Variants in MMP16 observed in about 807,000 individuals in gnomAD.
MMP16 encodes the protein matrix metalloproteinase-16.
In MMP16, 12 loss-of-function variants were observed where a neutral mutation model predicts 67.8. The observed-to-expected ratio is 0.18, with a 90% CI of 0.11 to 0.29. MMP16 has a LOEUF of 0.29. MMP16 is among the 10% of genes least tolerant of loss of function. The probability of loss-of-function intolerance (pLI) is 1.00; values close to 1 mark genes in which losing one functional copy is unlikely to be tolerated. For missense variants in MMP16, 475 were observed against 765.7 expected (o/e 0.62, Z 4.48); for synonymous variants, 249 against 255.9 (o/e 0.97, Z 0.26).
chr8:88,247,866 C>T (rs576866237), intron 1 of MMP16, among the ~76,000 whole-genome samples: 3 of 151,890 alleles, frequency 2.0e-5, no homozygotes, highest in Admixed American at 6.6e-5. Flanking sequence ...ACATTTCCTC[C>T]CCCTACTCTC....
intron 4 of MMP16, among the ~76,000 whole-genome samples, chr8:88,136,975 T>G (rs760773920): frequency 6.6e-6 from 1 of 151,900 alleles, no homozygotes; most frequent in East Asian, 1.9e-4. Context: ...ATGTGTTATA[T>G]ACATATTTTT....
chr8:88,284,977 T>C (rs1810804281), intron 1 of MMP16, among the ~76,000 whole-genome samples: 1 of 152,134 alleles, frequency 6.6e-6, no homozygotes, highest in Non-Finnish European at 1.5e-5. Context: ...TGCTAGTCCT[T>C]ATTATGGGCC....
At chr8:88,131,209 G>C (rs1479969824) in intron 4 of MMP16, among the ~76,000 whole-genome samples, 1 of 150,888 alleles carries the variant, frequency 6.6e-6, no homozygotes, top group African/African-American at 2.4e-5. Context: ...TTTGTATCCA[G>C]GTCTGTTTGA....
chr8:88,041,346 C>T lies in MMP16; in HGVS notation c.*115G>A, dbSNP rs537336025. The T allele has an allele frequency of 8.3e-5, 90 of 1,087,414 alleles. No homozygotes were observed. The African/African-American group carries it at 1.2e-3, about 15-fold the overall frequency. 67.4% of individuals were successfully genotyped at this position (1,087,414 alleles called of 1,614,324 possible). On this transcript the variant is annotated 3_prime_UTR_variant, in exon 10 of 10. Transcript: ENST00000286614. This position sits in a 1 kb window ranked among gnomAD's most constrained non-coding sequence, Gnocchi z 6.0. ...CCCTCTGGGTTTGAAAGGTCAGCCC[C>T]GAATCAGGCTGCCACAAGCCTGCTC...
rs200997302 is a variant in MMP16, at chr8:88,158,279, C to G, written c.709+9390G>C. On this transcript the variant is annotated intron_variant, in intron 4 of 9. Transcript: ENST00000286614. ...TCCACAATGGTTGAACTAGTTTACA[C>G]TCCCACCAACAGTGTAAAAGTGTTC... Among the ~76,000 whole-genome samples, 211 of 152,180 alleles carry G rather than the reference C, an allele frequency of 1.4e-3. 1 individual carries two copies. Among genetic ancestry groups the G allele is most frequent in the South Asian group, 7.5e-3 (36 of 4,812 alleles).
intron 3 of MMP16, among the ~76,000 whole-genome samples, chr8:88,175,965 C>T (rs918547397): frequency 6.6e-6 from 1 of 152,172 alleles, no homozygotes; most frequent in Non-Finnish European, 1.5e-5. Flanking sequence ...GATTGTGAGG[C>T]CTCCCTAGCC....
chr8:88,058,962 A>G lies in MMP16; in HGVS notation c.1223-2684T>C, dbSNP rs1294444589. On this transcript the variant is annotated intron_variant, in intron 7 of 9. Coordinates refer to ENST00000286614, the MANE Select transcript of MMP16 (RefSeq NM_005941.5). This position sits in a 1 kb window ranked among gnomAD's most constrained non-coding sequence, Gnocchi z 4.2. ...CATTGCCAAGGGAAATAAAATAAAG[A>G]TAATATTAAGAATGATCTTCAAGTT... 6.6e-6 allele frequency among the ~76,000 whole-genome samples: 1 copy of G among 152,104 alleles called. No homozygotes were observed. The highest frequency in any genetic ancestry group is 1.5e-5 in the Non-Finnish European group (1 of 67,998).
At chr8:88,097,565 G>T (rs112256170) in intron 6 of MMP16, among the ~76,000 whole-genome samples, 11,814 of 144,004 alleles carry the variant, frequency 0.082, 501 homozygotes, top group Middle Eastern at 0.11. Context: ...CGTGGAGATT[G>T]CAGTGAGCCA....
chr8:88,265,513 G>A (rs1464070310), intron 1 of MMP16, among the ~76,000 whole-genome samples: 1 of 152,090 alleles, frequency 6.6e-6, no homozygotes, highest in Non-Finnish European at 1.5e-5. Flanking sequence ...TAAGTACTAT[G>A]ACAGAGACAA....
chr8:88,296,980 T>C (rs1811023562), intron 1 of MMP16, among the ~76,000 whole-genome samples: 1 of 151,984 alleles, frequency 6.6e-6, no homozygotes, highest in Non-Finnish European at 1.5e-5. Flanking sequence ...AATAACTTAG[T>C]GCCCTGGGAA....
At chr8:88,306,117 C>G (rs967501244) in intron 1 of MMP16, among the ~76,000 whole-genome samples, 1 of 151,690 alleles carries the variant, frequency 6.6e-6, no homozygotes. Context: ...CACCATTGAC[C>G]CCACAGAAAT....
At chr8:88,319,142 C>T (rs1490202523) in intron 1 of MMP16, among the ~76,000 whole-genome samples, 3 of 152,082 alleles carry the variant, frequency 2.0e-5, no homozygotes, top group African/African-American at 7.2e-5. Flanking sequence ...TTCACTCAGT[C>T]CATCATACAT....
intron 1 of MMP16, among the ~76,000 whole-genome samples, chr8:88,296,294 T>A (rs1419984527): frequency 6.6e-6 from 1 of 152,242 alleles, no homozygotes; most frequent in African/African-American, 2.4e-5. Context: ...TTGGTTTATT[T>A]TTAATTGACA....
At chr8:88,062,291 GC>G (rs1469795367) in intron 7 of MMP16, among the ~76,000 whole-genome samples, 1 of 152,014 alleles carries the variant, frequency 6.6e-6, no homozygotes, top group Non-Finnish European at 1.5e-5. Flanking sequence ...ATTTGACCCA[GC>G]CATCCCATTA....
At position 88,041,811 on chromosome 8, in the gene MMP16, T is replaced by C. The variant is rs920620102; in HGVS notation, c.1490-16A>G. ...TACGTAAAGCCTAGGGGGAAAAACA[T>C]ACACACACACAGGTACCACTTATTT... is the stretch of plus-strand genomic sequence containing the variant. On this transcript the variant is annotated splice_polypyrimidine_tract_variant and intron_variant, in intron 9 of 9. Coordinates refer to ENST00000286614, the MANE Select transcript of MMP16 (RefSeq NM_005941.5). The surrounding 1 kb of genome is among the most constrained non-coding windows in gnomAD (Gnocchi z 6.0). 7 of 1,557,570 alleles carry C rather than the reference T, an allele frequency of 4.5e-6. No homozygotes were observed. Among genetic ancestry groups the C allele is most frequent in the Non-Finnish European group, 5.3e-6 (6 of 1,140,024 alleles).
At chr8:88,188,187 GT>G (rs1352018189) in intron 2 of MMP16, among the ~76,000 whole-genome samples, 1 of 152,162 alleles carries the variant, frequency 6.6e-6, no homozygotes, top group Non-Finnish European at 1.5e-5. Context: ...TTATTGCATA[GT>G]TTAAGATCTA....
At chr8:88,095,694 C>T (rs536651901) in intron 6 of MMP16, among the ~76,000 whole-genome samples, 2 of 151,958 alleles carry the variant, frequency 1.3e-5, no homozygotes, top group East Asian at 3.9e-4. Context: ...CACCTGAATC[C>T]ATGCCTGATT....
At chr8:88,138,440 T>C (rs962747450) in intron 4 of MMP16, among the ~76,000 whole-genome samples, 1 of 152,080 alleles carries the variant, frequency 6.6e-6, no homozygotes. Context: ...AGTGGCTTTT[T>C]GACTGGCTCT....
chr8:88,138,142 T>C (rs902346534), intron 4 of MMP16, among the ~76,000 whole-genome samples: 5 of 152,150 alleles, frequency 3.3e-5, no homozygotes, highest in Admixed American at 3.3e-4. Context: ...GCAATCTTAC[T>C]GAATACCAGG....
Sources: gnomAD v4.1 joint callset for allele counts (sites outside exome capture counted in the v4.1 genomes callset) on GRCh38, gnomAD v4.1.1 for gene constraint, Gnocchi (gnomAD v3.1) non-coding constraint, MANE v1.5 for transcripts, NCBI Gene and HGNC (gene_info 2026-07-23, HGNC 2026-07-21) for gene names.